The following PCDH11X variants were observed in gnomAD, a reference collection of about 807,000 sequenced individuals.
PCDH11X encodes protocadherin-11 X-linked.
In PCDH11X, 18 loss-of-function variants were observed where a neutral mutation model predicts 53.3. The ratio of observed to expected loss-of-function variants is 0.34; its 90% CI spans 0.23 to 0.50. The LOEUF is 0.50. Among genes scored for constraint, PCDH11X ranks in the 20% least tolerant of loss-of-function variants. The probability of loss-of-function intolerance (pLI) is 0.98; values close to 1 mark genes in which losing one functional copy is unlikely to be tolerated. For synonymous variants in PCDH11X, 279 were observed against 393.3 expected (o/e 0.71, Z 3.44); for missense variants, 570 against 1,032.4 (o/e 0.55, Z 6.14).
chrX:92,269,438 T>C (rs34194806), intron 8 of PCDH11X, among the ~76,000 whole-genome samples: 4,828 of 112,019 alleles, frequency 0.043, 226 homozygotes, highest in East Asian at 0.23. Flanking sequence ...CCTCTCATTA[T>C]CTTTCTATCC....
intron 6 of PCDH11X, among the ~76,000 whole-genome samples, chrX:92,002,188 T>C (rs775496861): frequency 9.0e-6 from 1 of 111,137 alleles, no homozygotes; most frequent in African/African-American, 3.3e-5. Context: ...TCTTGGAACC[T>C]TTGTCAAAAA....
chrX:92,053,163 T>G (rs2063391174), intron 6 of PCDH11X, among the ~76,000 whole-genome samples: 1 of 111,448 alleles, frequency 9.0e-6, no homozygotes, highest in South Asian at 3.7e-4. Flanking sequence ...TTTATTACAT[T>G]TCAGGTGTTT....
chrX:91,906,706 A>G (rs886648959), intron 6 of PCDH11X, among the ~76,000 whole-genome samples: 1 of 111,870 alleles, frequency 8.9e-6, no homozygotes, highest in Non-Finnish European at 1.9e-5. Context: ...TGAAAGGCAA[A>G]CACAACGCCT....
intron 10 of PCDH11X, among the ~76,000 whole-genome samples, chrX:92,530,416 C>T (rs746964583): frequency 2.0e-4 from 22 of 111,220 alleles, no homozygotes; most frequent in Admixed American, 3.8e-4. Context: ...AACCTTCCTA[C>T]GATGATAGAT....
intron 8 of PCDH11X, among the ~76,000 whole-genome samples, 168 bp downstream of exon 8, chrX:92,263,311 G>T (rs1191869307): frequency 9.0e-6 from 1 of 111,288 alleles, no homozygotes; most frequent in Admixed American, 9.6e-5. Flanking sequence ...ATTTTGTATC[G>T]CACAGTTCTG....
intron 6 of PCDH11X, among the ~76,000 whole-genome samples, chrX:92,173,221 A>G (rs1317848398): frequency 1.8e-5 from 2 of 111,926 alleles, no homozygotes; most frequent in Non-Finnish European, 3.8e-5. Flanking sequence ...ATGTCCTAAG[A>G]GTCTAGGACT....
In PCDH11X at chrX:92,067,408, T is replaced by C. The variant is rs753432612; in HGVS notation, c.3034-133967T>C. Among the ~76,000 whole-genome samples, 320 of 111,369 alleles carry C rather than the reference T, an allele frequency of 2.9e-3. 1 individual carries two copies. Among genetic ancestry groups the C allele is most frequent in the Non-Finnish European group, 4.8e-3 (253 of 53,100 alleles). On this transcript the variant is annotated intron_variant, in intron 6 of 10. Transcript: ENST00000682573. ...TTTATCAAATGCTTTTTAGCATCAA[T>C]TGAGATAACCATATGGTTTTTGTCC...
At chrX:92,199,043 A>G (rs2066345776) in intron 6 of PCDH11X, among the ~76,000 whole-genome samples, 1 of 111,463 alleles carries the variant, frequency 9.0e-6, no homozygotes, top group Non-Finnish European at 1.9e-5. Context: ...TCTCTCACAT[A>G]TGTCTATTTA....
chrX:92,132,637 A>ATG (rs2065004364), intron 6 of PCDH11X, among the ~76,000 whole-genome samples: 1 of 54,187 alleles, frequency 1.8e-5, no homozygotes, highest in Non-Finnish European at 2.8e-5. Flanking sequence ...ATATATATGT[A>ATG]TATATATATA....
At chrX:91,908,717 A>G (rs12559204) in intron 6 of PCDH11X, among the ~76,000 whole-genome samples, 40,677 of 106,483 alleles carry the variant, frequency 0.38, 6,039 homozygotes, top group East Asian at 0.61. Flanking sequence ...AGGCAGGAGC[A>G]TTGCTTGAAC....
chrX:91,875,048 G>A (rs72605168), intron 5 of PCDH11X, among the ~76,000 whole-genome samples: 21,625 of 108,849 alleles, frequency 0.2, 1,776 homozygotes, highest in East Asian at 0.31. Context: ...ATATGTGTAT[G>A]TGTGTGTGTG....
chrX:92,076,597 A>C (rs1433783102), intron 6 of PCDH11X, among the ~76,000 whole-genome samples: 1 of 111,511 alleles, frequency 9.0e-6, no homozygotes, highest in Non-Finnish European at 1.9e-5. Context: ...AAATAACCAA[A>C]ATTCCATAGC....
chrX:92,374,653 G>A (rs963149579), intron 8 of PCDH11X, among the ~76,000 whole-genome samples: 16 of 111,665 alleles, frequency 1.4e-4, no homozygotes, highest in Non-Finnish European at 2.1e-4. Context: ...CTTCTGCAAC[G>A]TGAGCTTTTT....
chrX:91,987,004 A>G (rs1304877648), intron 6 of PCDH11X, among the ~76,000 whole-genome samples: 2 of 109,512 alleles, frequency 1.8e-5, no homozygotes, highest in Admixed American at 9.8e-5. Context: ...ACTCCCTAAT[A>G]TCATCATGAT....
intron 8 of PCDH11X, among the ~76,000 whole-genome samples, chrX:92,369,124 C>T (rs1376413616): frequency 1.9e-5 from 2 of 104,950 alleles, no homozygotes; most frequent in South Asian, 8.4e-4. Flanking sequence ...ACAGCCTCCC[C>T]TTCCCTCAGG....
chrX:92,429,583 T>C (rs1338476256), intron 9 of PCDH11X, among the ~76,000 whole-genome samples: 1 of 104,992 alleles, frequency 9.5e-6, no homozygotes, highest in African/African-American at 3.4e-5. Flanking sequence ...TAGTATGCTG[T>C]GCCTTATGAG....
At chrX:91,817,727 A>G (rs894876296) in intron 4 of PCDH11X, among the ~76,000 whole-genome samples, 3 of 111,027 alleles carry the variant, frequency 2.7e-5, no homozygotes, top group Non-Finnish European at 5.7e-5. Flanking sequence ...GCACAGCTCT[A>G]GATGCTTATA....
chrX:91,820,232 C>T (rs1300521106), intron 4 of PCDH11X, among the ~76,000 whole-genome samples: 4 of 81,181 alleles, frequency 4.9e-5, no homozygotes, highest in Admixed American at 2.7e-4. Context: ...TTCTAGATCC[C>T]TGAGGAATCG....
Position 91,806,502 on chromosome X carries a change from T to G in PCDH11X, c.-378-2964T>G, listed in dbSNP as rs141453498. On this transcript the variant is annotated intron_variant, in intron 1 of 10. Coordinates refer to ENST00000682573, the MANE Select transcript of PCDH11X (RefSeq NM_032968.5). ...GATGATAACTCACAAGGAGTGTAAA[T>G]TACAGTTACTTCATTTGTGGGAGTT... 3.9e-3 allele frequency among the ~76,000 whole-genome samples: 444 copies of G among 113,288 alleles called. 1 individual carries two copies. The highest frequency in any genetic ancestry group is 0.013 in the African/African-American group (417 of 31,208).
Sources: gnomAD v4.1 joint callset for allele counts (sites outside exome capture counted in the v4.1 genomes callset) on GRCh38, gnomAD v4.1.1 for gene constraint, MANE v1.5 for transcripts, NCBI Gene and HGNC (gene_info 2026-07-23, HGNC 2026-07-21) for gene names.